Variants in PCID2 observed in about 807,000 individuals in gnomAD.
The protein encoded by PCID2 is PCI domain-containing protein 2.
PCID2 carries 41 observed loss-of-function variants against 61.3 expected under a neutral mutation model. The observed-to-expected ratio is 0.67, with a 90% CI of 0.52 to 0.87. The LOEUF (loss-of-function observed/expected upper bound fraction) is 0.87. Among genes scored for constraint, PCID2 ranks in the 40% least tolerant of loss-of-function variants. The pLI, the probability that PCID2 is intolerant of heterozygous loss-of-function variation, is 0.00. For synonymous variants in PCID2, 187 were observed against 177.8 expected (o/e 1.05, Z -0.41); for missense variants, 392 against 493.4 (o/e 0.79, Z 1.95).
chr13:113,202,930 AAAAC>A (rs1566984305), intron 1 of PCID2, among the ~76,000 whole-genome samples: 2 of 152,232 alleles, frequency 1.3e-5, no homozygotes, highest in African/African-American at 4.8e-5. Flanking sequence ...GTAACCTTTG[AAAAC>A]AGTAGTTTGT....
chr13:113,207,680 C>CA (rs1237750230), intron 1 of PCID2, among the ~76,000 whole-genome samples: 2 of 152,230 alleles, frequency 1.3e-5, no homozygotes, highest in Non-Finnish European at 2.9e-5. Flanking sequence ...CCAATCATGT[C>CA]AGACTTTTCA....
chr13:113,189,838 C>T (rs558040832), intron 7 of PCID2, among the ~76,000 whole-genome samples: 8 of 151,886 alleles, frequency 5.3e-5, no homozygotes, highest in Admixed American at 3.9e-4. Context: ...GCCTGGCCAA[C>T]ATGGTGAAAC....
intron 11 of PCID2, 21 bp downstream of exon 11, chr13:113,180,137 A>C: frequency 1.2e-6 from 2 of 1,613,650 alleles, no homozygotes; most frequent in Non-Finnish European, 1.7e-6. Flanking sequence ...AACCCCAAAC[A>C]GGAAGGATGG....
chr13:113,180,178 C>A lies in PCID2; in HGVS notation c.840G>T (p.Ala280=). 1 of 1,613,978 alleles carries A rather than the reference C, an allele frequency of 6.2e-7. No homozygotes were observed. The highest frequency in any genetic ancestry group is 8.5e-7 in the Non-Finnish European group (1 of 1,179,922). The change falls in exon 11 of 14, where the codon GCG becomes GCT. Residue 280 remains alanine, a synonymous_variant. Coordinates refer to ENST00000337344, the MANE Select transcript of PCID2 (RefSeq NM_001127202.4). ...LLKKYHLMQF[A]EVTRAVSEGN... ...TCTACCTCACAGCTCTGGTTACTTC[C>A]GCAAACTGCATCAGGTGATACTTTT... is the stretch of plus-strand genomic sequence containing the variant.
At chr13:113,188,061 T>C (rs2038280231) in intron 7 of PCID2, 1 of 152,196 alleles carries the variant, frequency 6.6e-6, no homozygotes, top group Non-Finnish European at 1.5e-5. Flanking sequence ...ATCAAATCGT[T>C]TGGTAAACGC....
intron 6 of PCID2, among the ~76,000 whole-genome samples, chr13:113,192,325 G>A (rs1243542589): frequency 5.3e-5 from 8 of 152,166 alleles, no homozygotes; most frequent in African/African-American, 7.2e-5. Flanking sequence ...TTGAGCACAC[G>A]TTTTTTATAT....
downstream of PCID2, among the ~76,000 whole-genome samples, chr13:113,174,415 A>G (rs576772752): frequency 2.9e-4 from 44 of 152,342 alleles, no homozygotes; most frequent in African/African-American, 9.9e-4. Flanking sequence ...ACTGGCATTT[A>G]ATGACATGCT....
intron 6 of PCID2, among the ~76,000 whole-genome samples, 194 bp downstream of exon 6, chr13:113,194,877 G>A (rs1345338318): frequency 6.6e-6 from 1 of 152,154 alleles, no homozygotes; most frequent in Admixed American, 6.5e-5. Context: ...GTGGAAATCT[G>A]AGCAAATGTT....
intron 13 of PCID2, chr13:113,178,575 T>C: frequency 2.5e-6 from 1 of 399,018 alleles, no homozygotes; most frequent in South Asian, 2.3e-5. Context: ...CCCTAAACAA[T>C]ACAGTACAAC....
chr13:113,174,943 C>A (rs552453838), downstream of PCID2, among the ~76,000 whole-genome samples: 11 of 152,338 alleles, frequency 7.2e-5, no homozygotes, highest in Non-Finnish European at 1.6e-4. Flanking sequence ...TGCGTCTCCA[C>A]CCAAATTCCA....
chr13:113,171,873 G>C, the PCID2 span: 1 of 1,613,710 alleles, frequency 6.2e-7, no homozygotes. This position sits in a 1 kb window ranked among gnomAD's most constrained non-coding sequence, Gnocchi z 5.1. Context: ...CTTGTGGAGG[G>C]GGAGGAGTGC....
At chr13:113,190,562 C>T (rs2038526892) in intron 7 of PCID2, 1 of 239,888 alleles carries the variant, frequency 4.2e-6, no homozygotes, top group South Asian at 1.5e-4. Context: ...GCCCTCAGAC[C>T]CTCACCAAAC....
chr13:113,200,535 A>T lies in PCID2; in HGVS notation c.37-19T>A, dbSNP rs775558895. On this transcript the variant is annotated intron_variant, in intron 1 of 13. Transcript: ENST00000337344. Reference sequence around the variant, plus strand: ...CGTACACCTGAAACATTTGAAAGGGAAACCTAAGTAGAAAATAAAATATTC... The same window carrying T: ...CGTACACCTGAAACATTTGAAAGGGTAACCTAAGTAGAAAATAAAATATTC... 6.6e-7 allele frequency: 1 copy of T among 1,504,074 alleles called. No individual in the cohort carries two copies. The highest frequency in any genetic ancestry group is 9.3e-7 in the Non-Finnish European group (1 of 1,079,988). 93.2% of individuals were successfully genotyped at this position (1,504,074 alleles called of 1,614,324 possible).
At chr13:113,184,052 TAAAG>T in intron 9 of PCID2, 1 of 969,812 alleles carries the variant, frequency 1.0e-6, no homozygotes. Context: ...AAAAAGCAAA[TAAAG>T]AAAACAATGA....
At chr13:113,195,626 C>T (rs1167069913) in intron 5 of PCID2, among the ~76,000 whole-genome samples, 1 of 151,614 alleles carries the variant, frequency 6.6e-6, no homozygotes, top group African/African-American at 2.4e-5. Context: ...AAGACTGCGC[C>T]ACTGCACTCC....
chr13:113,181,376 T>C, intron 9 of PCID2, 146 bp from the exon 10 acceptor site: 1 of 580,236 alleles, frequency 1.7e-6, no homozygotes, highest in South Asian at 2.2e-5. Flanking sequence ...CCAGTTTCAT[T>C]TCTGTGATCA....
rs1408555629 is a variant in PCID2 at position 113,180,326 on chromosome 13, T to A, written c.787-95A>T. 9.6e-6 allele frequency: 9 copies of A among 932,804 alleles called. No individual in the cohort carries two copies. The South Asian group carries it at 1.2e-4, about 13-fold the overall frequency. 57.8% of individuals were successfully genotyped at this position (932,804 alleles called of 1,614,324 possible). On this transcript the variant is annotated intron_variant, in intron 10 of 13. Transcript: ENST00000337344. ...TCAAGGAATTAAGTTTTAAGAAAAT[T>A]GCAACCTGAGTTTCTTAGAATGTCC...
the PCID2 span, among the ~76,000 whole-genome samples, chr13:113,169,723 G>A: frequency 1.3e-5 from 2 of 152,248 alleles, no homozygotes; most frequent in African/African-American, 2.4e-5. Context: ...TTTTAACTCA[G>A]CTGGTGGAAG....
At chr13:113,165,737 G>C in the PCID2 span, among the ~76,000 whole-genome samples, 1 of 152,076 alleles carries the variant, frequency 6.6e-6, no homozygotes. Flanking sequence ...CACCATGTTG[G>C]ACAGGATGGT....
Sources: allele counts gnomAD v4.1 joint callset (sites outside exome capture counted in the v4.1 genomes callset), GRCh38; gene constraint gnomAD v4.1.1; non-coding constraint Gnocchi (gnomAD v3.1); transcripts MANE v1.5; gene names NCBI Gene and HGNC (gene_info 2026-07-23, HGNC 2026-07-21).